Variants in PLEKHG1 observed in about 807,000 individuals in gnomAD.
PLEKHG1 encodes pleckstrin homology and RhoGEF domain containing G1.
In PLEKHG1, 44 loss-of-function variants were observed where a neutral mutation model predicts 100.8. The observed-to-expected ratio is 0.44, with a 90% CI of 0.34 to 0.56. PLEKHG1 has a LOEUF of 0.56. Ranked by LOEUF, PLEKHG1 falls within the 20% of genes least tolerant of loss-of-function variation. PLEKHG1 has a pLI of 0.01. For synonymous variants in PLEKHG1, 640 were observed against 662.5 expected (o/e 0.97, Z 0.52); for missense variants, 1,545 against 1,720.9 (o/e 0.90, Z 1.81).
At chr6:150,734,414 C>G (rs1017748264) in intron 2 of PLEKHG1, among the ~76,000 whole-genome samples, 2 of 152,198 alleles carry the variant, frequency 1.3e-5, no homozygotes, top group Non-Finnish European at 2.9e-5. Context: ...TGGAGGAGGA[C>G]TCAAGTCTCC....
chr6:150,617,245 A>G (rs1777110545), intron 1 of PLEKHG1, among the ~76,000 whole-genome samples: 1 of 152,228 alleles, frequency 6.6e-6, no homozygotes, highest in South Asian at 2.1e-4. Context: ...AGTTTGAAGA[A>G]TAACAATCAC....
chr6:150,748,126 G>A (rs573379686), intron 2 of PLEKHG1, among the ~76,000 whole-genome samples: 6 of 152,294 alleles, frequency 3.9e-5, no homozygotes, highest in Middle Eastern at 3.4e-3. Context: ...CCATATAAGT[G>A]TAATCAAACT....
chr6:150,705,478 C>G (rs973277809), intron 3 of PLEKHG1, among the ~76,000 whole-genome samples: 2 of 152,246 alleles, frequency 1.3e-5, no homozygotes, highest in Admixed American at 1.3e-4. Flanking sequence ...TCAACCCTTG[C>G]CCCTCTCCAG....
At chr6:150,712,063 C>A (rs891905985) in intron 3 of PLEKHG1, among the ~76,000 whole-genome samples, 3 of 152,122 alleles carry the variant, frequency 2.0e-5, no homozygotes, top group African/African-American at 4.8e-5. Context: ...CTGGTTCAAA[C>A]GAAGGGTGTA....
rs2128547962 is a variant in PLEKHG1 at position 150,600,350 on chromosome 6, C to T, written c.-204+333C>T. Reference sequence around the variant, plus strand: ...GCCCCCAAGTTCCCGGTGCTCCCGCCCCTCGCCCCAGCGGCTGCAACATCA... The same window carrying T: ...GCCCCCAAGTTCCCGGTGCTCCCGCTCCTCGCCCCAGCGGCTGCAACATCA... On this transcript the variant is annotated intron_variant, in intron 1 of 3. Transcript: ENST00000367326. This position sits in a 1 kb window ranked among gnomAD's most constrained non-coding sequence, Gnocchi z 6.2. 6.6e-6 allele frequency among the ~76,000 whole-genome samples: 1 copy of T among 152,090 alleles called. No homozygotes were observed. The highest frequency in any genetic ancestry group is 2.1e-4 in the South Asian group (1 of 4,828).
chr6:150,813,260 A>C (rs78481239), intron 10 of PLEKHG1, among the ~76,000 whole-genome samples: 9,810 of 149,800 alleles, frequency 0.065, 610 homozygotes, highest in African/African-American at 0.15. Context: ...AGCCGAGATC[A>C]CGCCACTGCA....
intron 3 of PLEKHG1, among the ~76,000 whole-genome samples, chr6:150,785,835 T>C (rs1333618360): frequency 2.0e-5 from 3 of 152,046 alleles, no homozygotes; most frequent in Non-Finnish European, 2.9e-5. Context: ...TAGATTCTCA[T>C]AGGAGCACAC....
chr6:150,808,713 CT>C (rs1787294794), intron 7 of PLEKHG1, among the ~76,000 whole-genome samples: 1 of 152,084 alleles, frequency 6.6e-6, no homozygotes, highest in South Asian at 2.1e-4. Context: ...GATCGCGCCA[CT>C]TCCCTCCAGC....
chr6:150,830,708 T>A, exon 15 of PLEKHG1: 1 of 1,614,182 alleles, frequency 6.2e-7, no homozygotes, highest in Non-Finnish European at 8.5e-7. Flanking sequence ...CAGAAACATC[T>A]GGACCGATCA....
intron 2 of PLEKHG1, among the ~76,000 whole-genome samples, chr6:150,755,530 G>A (rs922885336): frequency 1.2e-4 from 19 of 152,106 alleles, no homozygotes; most frequent in African/African-American, 4.1e-4. Flanking sequence ...GGACCTAGAC[G>A]GCCACACAGC....
intron 1 of PLEKHG1, among the ~76,000 whole-genome samples, chr6:150,627,399 T>C (rs916931273): frequency 6.6e-6 from 1 of 152,176 alleles, no homozygotes; most frequent in African/African-American, 2.4e-5. Flanking sequence ...AAAAATAAGG[T>C]TATCAGGGTT....
chr6:150,758,795 A>T (rs1223319012), intron 2 of PLEKHG1, among the ~76,000 whole-genome samples: 1 of 152,064 alleles, frequency 6.6e-6, no homozygotes, highest in African/African-American at 2.4e-5. Flanking sequence ...ACCTCTTTGT[A>T]TGTTTCCATT....
chr6:150,768,003 C>T (rs1784528421), intron 2 of PLEKHG1, among the ~76,000 whole-genome samples: 1 of 152,112 alleles, frequency 6.6e-6, no homozygotes, highest in African/African-American at 2.4e-5. Context: ...AACTTCTAAG[C>T]TATGTCAGTT....
At chr6:150,631,458 TG>T (rs1777743581) in intron 1 of PLEKHG1, among the ~76,000 whole-genome samples, 1 of 152,196 alleles carries the variant, frequency 6.6e-6, no homozygotes, top group Admixed American at 6.5e-5. Flanking sequence ...ATTAGGACCT[TG>T]AAAGCCCAGC....
intron 2 of PLEKHG1, among the ~76,000 whole-genome samples, chr6:150,734,662 T>C (rs1017776207): frequency 2.0e-5 from 3 of 152,146 alleles, no homozygotes; most frequent in African/African-American, 7.2e-5. Context: ...TATTGGTTGG[T>C]GTTTGGGGAA....
At chr6:150,833,923 A>G (rs1408848129) in intron 15 of PLEKHG1, among the ~76,000 whole-genome samples, 1 of 152,202 alleles carries the variant, frequency 6.6e-6, no homozygotes, top group Non-Finnish European at 1.5e-5. Context: ...TGGGATTGAC[A>G]TTGACATCCA....
chr6:150,709,473 C>A (rs534549833), intron 3 of PLEKHG1, among the ~76,000 whole-genome samples: 1 of 152,264 alleles, frequency 6.6e-6, no homozygotes, highest in South Asian at 2.1e-4. Flanking sequence ...TATTTGAGAG[C>A]CTCAAGAGAG....
chr6:150,681,310 A>G (rs769251114), intron 3 of PLEKHG1, among the ~76,000 whole-genome samples: 3 of 151,674 alleles, frequency 2.0e-5, no homozygotes, highest in Non-Finnish European at 2.9e-5. Flanking sequence ...TCAAGAGATC[A>G]AGACCATCCT....
At chr6:150,643,001 T>G (rs1185786954) in intron 2 of PLEKHG1, among the ~76,000 whole-genome samples, 2 of 152,144 alleles carry the variant, frequency 1.3e-5, no homozygotes, top group African/African-American at 4.8e-5. Flanking sequence ...TTTAAAAACT[T>G]AAGGAAAATA....
Sources: allele counts gnomAD v4.1 joint callset (sites outside exome capture counted in the v4.1 genomes callset), GRCh38; gene constraint gnomAD v4.1.1; non-coding constraint Gnocchi (gnomAD v3.1); transcripts MANE v1.5; gene names NCBI Gene and HGNC (gene_info 2026-07-23, HGNC 2026-07-21).